The following CEP112 variants were observed in gnomAD, a reference collection of about 807,000 sequenced individuals.
The protein encoded by CEP112 is centrosomal protein of 112 kDa.
Under a neutral mutation model 153.0 loss-of-function variants are expected in CEP112, and 127 were observed. The ratio of observed to expected loss-of-function variants is 0.83; its 90% CI spans 0.72 to 0.96. The LOEUF is 0.96. Among genes scored for constraint, CEP112 ranks in the 40% least tolerant of loss-of-function variants. The pLI is 0.00. For missense variants in CEP112, 1,089 were observed against 1,101.2 expected, an observed-to-expected ratio of 0.99 and a Z score of 0.16; for synonymous variants, 358 against 374.4, an observed-to-expected ratio of 0.96 and a Z score of 0.51.
rs1298324261 is a variant in CEP112 at position 65,690,622 on chromosome 17, C to T, written c.2608-1404G>A. 2.0e-5 allele frequency among the ~76,000 whole-genome samples: 3 copies of T among 151,890 alleles called. No homozygotes were observed. The East Asian group carries it at 5.8e-4, about 29-fold the overall frequency. Reference sequence around the variant, plus strand: ...TTTTAAATAGATGGTCCAAGAAGGCCCAGCTGGGCGAAGACCTGAAGGACA... The same window carrying T: ...TTTTAAATAGATGGTCCAAGAAGGCTCAGCTGGGCGAAGACCTGAAGGACA... On this transcript the variant is annotated intron_variant, in intron 23 of 26. Coordinates refer to ENST00000535342, the MANE Select transcript of CEP112 (RefSeq NM_001199165.4).
intron 24 of CEP112, among the ~76,000 whole-genome samples, chr17:65,648,742 A>G (rs1201597522): frequency 1.3e-5 from 2 of 152,170 alleles, no homozygotes; most frequent in Admixed American, 1.3e-4. Flanking sequence ...ATATTTTATG[A>G]TGTTTTTATT....
At chr17:66,053,708 G>A in intron 12 of CEP112, 28 bp downstream of exon 12, 1 of 1,594,714 alleles carries the variant, frequency 6.3e-7, no homozygotes, top group Non-Finnish European at 8.6e-7. Flanking sequence ...CAGGTTCTAA[G>A]ATGTCAAGAA....
At chr17:65,698,884 G>A (rs73336854) in intron 23 of CEP112, among the ~76,000 whole-genome samples, 3,812 of 152,232 alleles carry the variant, frequency 0.025, 146 homozygotes, top group African/African-American at 0.084. Flanking sequence ...CCTCTTCAGT[G>A]CAAGCCCAGG....
chr17:65,828,715 A>G (rs987679230), intron 21 of CEP112, among the ~76,000 whole-genome samples: 4 of 152,184 alleles, frequency 2.6e-5, no homozygotes, highest in African/African-American at 9.6e-5. Flanking sequence ...ATAGTAATTT[A>G]TATTATTAAT....
chr17:65,678,090 C>T (rs1055169322), intron 24 of CEP112, among the ~76,000 whole-genome samples: 2 of 152,200 alleles, frequency 1.3e-5, no homozygotes, highest in South Asian at 4.1e-4. Context: ...TTTTTCCAAA[C>T]ATGACAAGCA....
At chr17:65,652,481 T>G (rs914521323) in intron 24 of CEP112, among the ~76,000 whole-genome samples, 2 of 152,024 alleles carry the variant, frequency 1.3e-5, no homozygotes, top group East Asian at 3.8e-4. Context: ...TTATTATATA[T>G]ATTTCATTAT....
At chr17:65,647,173 GTT>G (rs771331024) in intron 24 of CEP112, among the ~76,000 whole-genome samples, 1 of 126,576 alleles carries the variant, frequency 7.9e-6, no homozygotes, top group African/African-American at 3.0e-5. Context: ...CTTGATTCTT[GTT>G]TTTTTTTTTT....
chr17:66,128,367 T>C (rs1309182030), intron 6 of CEP112, among the ~76,000 whole-genome samples: 2 of 140,844 alleles, frequency 1.4e-5, no homozygotes, highest in African/African-American at 5.2e-5. Flanking sequence ...TAAAAGATAA[T>C]CAAGACCTTG....
chr17:65,650,437 C>G (rs897203232), intron 24 of CEP112, among the ~76,000 whole-genome samples: 1 of 152,186 alleles, frequency 6.6e-6, no homozygotes. Context: ...CTAGCACTTT[C>G]CTGGCAAGGA....
At chr17:65,875,705 G>A (rs1280172242) in intron 20 of CEP112, among the ~76,000 whole-genome samples, 25 of 151,630 alleles carry the variant, frequency 1.6e-4, no homozygotes, top group Admixed American at 1.2e-3. Context: ...CTCACTTCAC[G>A]CAATGAGAAT....
intron 20 of CEP112, among the ~76,000 whole-genome samples, chr17:65,853,535 C>A (rs1450058713): frequency 6.6e-6 from 1 of 152,008 alleles, no homozygotes; most frequent in Non-Finnish European, 1.5e-5. Context: ...TCAAGACCAG[C>A]CTGGCCAAGA....
intron 21 of CEP112, among the ~76,000 whole-genome samples, chr17:65,805,483 T>C (rs776426872): frequency 1.1e-4 from 17 of 152,178 alleles, no homozygotes; most frequent in Non-Finnish European, 1.9e-4. Context: ...GGGAATCTTT[T>C]ATGTGGTATC....
At position 65,851,888 on chromosome 17, in the gene CEP112, GACGACAATCTC is replaced by G; in HGVS notation, c.2299_2309del (p.Glu767GlnfsTer2). 1 of 1,613,966 alleles carries G rather than the reference GACGACAATCTC, an allele frequency of 6.2e-7. No individual in the cohort carries two copies. Among genetic ancestry groups the G allele is most frequent in the Non-Finnish European group, 8.5e-7 (1 of 1,179,990 alleles). ...TTTCTGATTCAGCCTTCAGTTTATT[GACGACAATCTC>G]ATGTTCCCTTGTAGCCCTTTGCTTT... On this transcript the variant is annotated frameshift_variant, in exon 21 of 27. Transcript: ENST00000535342. LOFTEE classifies it high-confidence loss of function.
intron 21 of CEP112, among the ~76,000 whole-genome samples, chr17:65,769,883 C>A (rs768737802): frequency 1.3e-5 from 2 of 151,890 alleles, no homozygotes; most frequent in Non-Finnish European, 2.9e-5. Context: ...ATGGCAACTT[C>A]CAAGCACCTT....
chr17:66,025,917 G>GCACACACACACACACACA (rs1378763069), intron 16 of CEP112, among the ~76,000 whole-genome samples: 8 of 4,662 alleles, frequency 1.7e-3, no homozygotes, highest in South Asian at 0.015. Flanking sequence ...AGAAAATGTG[G>GCACACACACACACACACA]CATACACACA....
intron 4 of CEP112, among the ~76,000 whole-genome samples, chr17:66,161,881 A>G (rs2071726707): frequency 7.8e-6 from 1 of 128,280 alleles, no homozygotes; most frequent in African/African-American, 3.0e-5. Flanking sequence ...AAGTAAATAC[A>G]TATCACATTA....
chr17:65,697,573 AAGC>A (rs2048417175), intron 23 of CEP112, among the ~76,000 whole-genome samples: 1 of 152,146 alleles, frequency 6.6e-6, no homozygotes, highest in Admixed American at 6.5e-5. Flanking sequence ...GACTAGGACA[AAGC>A]AAGAGGATCA....
At chr17:66,038,110 A>AAAAAAAAAAAAAAAAAAAAG (rs71293591) in intron 12 of CEP112, among the ~76,000 whole-genome samples, 3 of 120,658 alleles carry the variant, frequency 2.5e-5, no homozygotes, top group Non-Finnish European at 3.4e-5. Context: ...CAAAAAAAAA[A>AAAAAAAAAAAAAAAAAAAAG]AAAAGAAAAG....
At chr17:66,012,767 G>C (rs1308468166) in intron 16 of CEP112, among the ~76,000 whole-genome samples, 1 of 152,100 alleles carries the variant, frequency 6.6e-6, no homozygotes, top group Admixed American at 6.5e-5. Context: ...TTTAAATGTT[G>C]GTCTCTCTAG....
Sources: allele counts gnomAD v4.1 joint callset (sites outside exome capture counted in the v4.1 genomes callset), GRCh38; gene constraint gnomAD v4.1.1; transcripts MANE v1.5; gene names NCBI Gene and HGNC (gene_info 2026-07-23, HGNC 2026-07-21).